DROSHA: variants seen among roughly 807,000 people sequenced by gnomAD.
DROSHA encodes ribonuclease 3.
DROSHA carries 56 observed loss-of-function variants against 181.9 expected under a neutral mutation model. The ratio of observed to expected loss-of-function variants is 0.31; its 90% CI spans 0.25 to 0.38. DROSHA has a LOEUF of 0.38. Ranked by LOEUF, DROSHA falls within the 10% of genes least tolerant of loss-of-function variation. The probability of loss-of-function intolerance (pLI) is 1.00; values close to 1 mark genes in which losing one functional copy is unlikely to be tolerated. For missense variants in DROSHA, 1,218 were observed against 1,743.5 expected (o/e 0.70, Z 5.37); for synonymous variants, 524 against 591.2 (o/e 0.89, Z 1.65).
chr5:31,475,517 T>C (rs747043756), intron 16 of DROSHA, among the ~76,000 whole-genome samples: 1 of 152,114 alleles, frequency 6.6e-6, no homozygotes, highest in Non-Finnish European at 1.5e-5. Flanking sequence ...AATGCCAGAA[T>C]ACGTTGTCTA....
At chr5:31,512,853 AGGTCCTCT>A (rs1232751556) in intron 8 of DROSHA, among the ~76,000 whole-genome samples, 1 of 152,182 alleles carries the variant, frequency 6.6e-6, no homozygotes, top group Non-Finnish European at 1.5e-5. Context: ...CAAGGACACA[AGGTCCTCT>A]GTCCTCCAGA....
At chr5:31,441,128 A>G (rs1435171433) in intron 23 of DROSHA, among the ~76,000 whole-genome samples, 2 of 152,146 alleles carry the variant, frequency 1.3e-5, no homozygotes, top group African/African-American at 4.8e-5. Flanking sequence ...TTTAAAAAAA[A>G]AAAAAGGGCA....
rs769326915 is a variant in DROSHA at position 31,472,081 on chromosome 5, A to T, written c.2223T>A (p.Ile741=). The T allele has an allele frequency of 2.5e-6, 4 of 1,613,850 alleles. No homozygotes were observed. In the Admixed American group the frequency reaches 6.7e-5, roughly 27 times the overall value. ...QKYAEECKGM[I]VTNPGTKPSS... is the part of the protein sequence containing the mutation. ...AACATACCGTCCCAGGGTTGGTAAC[A>T]ATCATGCCTTTGCATTCTTCTGCAT... Residue 741 remains isoleucine (I), a synonymous_variant, in exon 17 of 36, where the codon ATT becomes ATA. Coordinates refer to ENST00000344624, the MANE Select transcript of DROSHA (RefSeq NM_001382508.1).
At chr5:31,523,957 A>C (rs1278786269) in intron 5 of DROSHA, among the ~76,000 whole-genome samples, 4 of 145,276 alleles carry the variant, frequency 2.8e-5, no homozygotes, top group Non-Finnish European at 1.5e-5. Flanking sequence ...CCTGGGGAAC[A>C]AAAGCAAAAC....
intron 10 of DROSHA, among the ~76,000 whole-genome samples, chr5:31,505,250 A>G (rs917827530): frequency 6.6e-6 from 1 of 152,212 alleles, no homozygotes; most frequent in African/African-American, 2.4e-5. Flanking sequence ...GGGGATGATA[A>G]AGAGCACCGG....
At position 31,514,901 on chromosome 5, in the gene DROSHA, C is replaced by T. The variant is rs1739107724; in HGVS notation, c.1290+87G>A. The T allele has an allele frequency of 1.7e-5, 22 of 1,288,956 alleles. No individual in the cohort carries two copies. Among genetic ancestry groups the T allele is most frequent in the Non-Finnish European group, 2.3e-5 (21 of 919,056 alleles). The allele number at this position is 1,288,956 out of a possible 1,614,324, so 79.8% of individuals were successfully genotyped here. The stretch of plus-strand genomic sequence containing the variant: ...CCTACAATGCATAGGGCAGTCCCCA[C>T]AATCAAGAATTTATCCAGCCCCAAA... On this transcript the variant is annotated intron_variant, in intron 8 of 35. Transcript: ENST00000344624. The surrounding 1 kb of genome is among the most constrained non-coding windows in gnomAD (Gnocchi z 4.4).
intron 11 of DROSHA, among the ~76,000 whole-genome samples, chr5:31,503,531 C>G (rs889011489): frequency 6.6e-6 from 1 of 152,210 alleles, no homozygotes; most frequent in Non-Finnish European, 1.5e-5. Flanking sequence ...GCAGAGCCCC[C>G]TCTCCCAAGG....
chr5:31,470,235 T>C lies in DROSHA; in HGVS notation c.2241+1828A>G, dbSNP rs745558823. On this transcript the variant is annotated intron_variant, in intron 17 of 35. Transcript: ENST00000344624. The surrounding 1 kb of genome is among the most constrained non-coding windows in gnomAD (Gnocchi z 4.0). ...CATCTCAAGGATGCACAGTTAATCA[T>C]GCCAATAATTTCTACAATTTCTCAA... 5.9e-5 allele frequency among the ~76,000 whole-genome samples: 9 copies of C among 152,338 alleles called. No homozygotes were observed. Among genetic ancestry groups the C allele is most frequent in the Middle Eastern group, 3.4e-3 (1 of 294 alleles).
At chr5:31,416,897 A>T (rs1052956396) in intron 30 of DROSHA, among the ~76,000 whole-genome samples, 1 of 152,222 alleles carries the variant, frequency 6.6e-6, no homozygotes, top group Non-Finnish European at 1.5e-5. Flanking sequence ...ATACTTGCTG[A>T]GCACTGATAT....
At chr5:31,505,897 A>G (rs1199343605) in intron 10 of DROSHA, 2 of 151,642 alleles carry the variant, frequency 1.3e-5, no homozygotes, top group African/African-American at 2.4e-5. Context: ...AGACTTTTTG[A>G]AAAAAAAAGT....
At chr5:31,472,303 A>T in intron 16 of DROSHA, 71 bp from the exon 17 acceptor site, 1 of 1,472,652 alleles carries the variant, frequency 6.8e-7, no homozygotes, top group Non-Finnish European at 9.0e-7. Flanking sequence ...TCAACAACTG[A>T]ATAAGGAAAA....
chr5:31,413,013 A>T (rs911618411), intron 30 of DROSHA, among the ~76,000 whole-genome samples: 1 of 152,116 alleles, frequency 6.6e-6, no homozygotes, highest in Non-Finnish European at 1.5e-5. Context: ...GTGTATATGG[A>T]ATGTTCATGC....
At chr5:31,436,361 T>C (rs188936457) in intron 24 of DROSHA, among the ~76,000 whole-genome samples, 140 of 149,872 alleles carry the variant, frequency 9.3e-4, no homozygotes, top group Non-Finnish European at 1.4e-3. Flanking sequence ...TGTGTCAGTA[T>C]AGAAAAGCAA....
rs1017526366 is a variant in DROSHA at position 31,472,242 on chromosome 5, G to A, written c.2072-10C>T. The A allele has an allele frequency of 6.9e-6, 11 of 1,596,136 alleles. No homozygotes were observed. The highest frequency in any genetic ancestry group is 1.3e-5 in the African/African-American group (1 of 74,286). The stretch of plus-strand genomic sequence containing the variant: ...ACTTCCTTTCCTCCATCTTGGGTGG[G>A]AATGGGAGTGGAGAGAAGGGGAAAA... On this transcript the variant is annotated splice_polypyrimidine_tract_variant and intron_variant, in intron 16 of 35. Transcript: ENST00000344624.
intron 33 of DROSHA, chr5:31,408,820 T>C: frequency 2.5e-6 from 1 of 401,404 alleles, no homozygotes; most frequent in Non-Finnish European, 4.4e-6. Context: ...TTCACAGAGA[T>C]TTTTAGAAAT....
rs577582015 is a variant in DROSHA at position 31,515,119 on chromosome 5, T to C, written c.1159A>G (p.Ile387Val). ...SSGKDKNYTS[I>V]KEKEPEETMP... is the part of the protein sequence containing the mutation. ...GTCTCCTCGGGCTCTTTTTCCTTGA[T>C]TGAGGTATAGTTCTTGTCTTTGCCA... The change falls in exon 8 of 36, where the codon ATC becomes GTC. Residue 387 changes from isoleucine (I) to valine (V), a missense_variant. This residue lies in a region of DROSHA where 536 missense variants were observed against 535.4 expected (regional missense o/e 1.00). Coordinates refer to ENST00000344624, the MANE Select transcript of DROSHA (RefSeq NM_001382508.1). The C allele has an allele frequency of 1.9e-5, 31 of 1,613,984 alleles. 1 individual carries two copies. In the African/African-American group the frequency reaches 2.5e-4, roughly 13 times the overall value.
intron 14 of DROSHA, among the ~76,000 whole-genome samples, chr5:31,486,128 A>C (rs1751721601): frequency 6.6e-6 from 1 of 152,210 alleles, no homozygotes; most frequent in Admixed American, 6.5e-5. Flanking sequence ...ATTGGAGATA[A>C]CGAATAAGAT....
At chr5:31,405,276 G>C (rs925259900) in intron 35 of DROSHA, among the ~76,000 whole-genome samples, 4 of 151,794 alleles carry the variant, frequency 2.6e-5, no homozygotes, top group African/African-American at 9.7e-5. Context: ...GCTGAGGCAG[G>C]AGAATCACCT....
At chr5:31,491,224 C>T (rs1283104072) in intron 13 of DROSHA, among the ~76,000 whole-genome samples, 1 of 150,738 alleles carries the variant, frequency 6.6e-6, no homozygotes. Flanking sequence ...AGATTCAAAC[C>T]CAGCTCTGTC....
Sources: gnomAD v4.1 joint callset for allele counts (sites outside exome capture counted in the v4.1 genomes callset) on GRCh38, gnomAD v4.1.1 for gene constraint, gnomAD v4.1.1 regional missense constraint, Gnocchi (gnomAD v3.1) non-coding constraint, MANE v1.5 for transcripts, NCBI Gene and HGNC (gene_info 2026-07-23, HGNC 2026-07-21) for gene names.